The following ANKRD36B variants were observed in gnomAD, a reference collection of about 807,000 sequenced individuals.
The protein encoded by ANKRD36B is ankyrin repeat domain-containing protein 36B.
ANKRD36B carries 37 observed loss-of-function variants against 135.7 expected under a neutral mutation model. The observed-to-expected ratio is 0.27, with a 90% confidence interval of 0.21 to 0.36. The LOEUF is 0.36. Ranked by LOEUF, ANKRD36B falls within the 10% of genes least tolerant of loss-of-function variation. The pLI is 1.00. For synonymous variants in ANKRD36B, 179 were observed against 348.1 expected, an observed-to-expected ratio of 0.51 and a Z score of 5.41; for missense variants, 549 against 1,037.1, an observed-to-expected ratio of 0.53 and a Z score of 6.46.
At chr2:97,582,191 T>A (rs1245553947) in intron 3 of ANKRD36B, among the ~76,000 whole-genome samples, 7 of 152,184 alleles carry the variant, frequency 4.6e-5, no homozygotes, top group Non-Finnish European at 1.5e-5. Flanking sequence ...AACTATACCA[T>A]GATTCACCTT....
At chr2:97,553,786 A>G (rs1038730853) in intron 14 of ANKRD36B, among the ~76,000 whole-genome samples, 14 of 151,916 alleles carry the variant, frequency 9.2e-5, no homozygotes, top group Non-Finnish European at 1.8e-4. Flanking sequence ...TACTGCAAAC[A>G]TTCATCATCT....
At chr2:97,527,429 G>A (rs1333009089) in intron 35 of ANKRD36B, among the ~76,000 whole-genome samples, 4 of 93,882 alleles carry the variant, frequency 4.3e-5, no homozygotes, top group Admixed American at 9.4e-5. Context: ...AGGAACAACC[G>A]GTACCAGCCA....
At chr2:97,581,379 C>T (rs552571687) in intron 3 of ANKRD36B, among the ~76,000 whole-genome samples, 4 of 151,780 alleles carry the variant, frequency 2.6e-5, no homozygotes, top group East Asian at 2.0e-4. Flanking sequence ...GATTCTGACA[C>T]GATTGACAGT....
chr2:97,550,270 C>T (rs1307773444), intron 18 of ANKRD36B, among the ~76,000 whole-genome samples: 1 of 144,442 alleles, frequency 6.9e-6, no homozygotes, highest in Non-Finnish European at 1.6e-5. Context: ...TTCATCCAGT[C>T]GTGGCACCAA....
intron 14 of ANKRD36B, 116 bp downstream of exon 14, chr2:97,554,944 G>C: frequency 7.6e-7 from 1 of 1,314,712 alleles, no homozygotes; most frequent in Non-Finnish European, 1.1e-6. Flanking sequence ...AAGAATCTCT[G>C]GCCTGCTGAA....
chr2:97,539,694 A>G lies in ANKRD36B; in HGVS notation c.1987+340T>C, dbSNP rs2079052770. ...TTAGGAACGCGATGTGATATCTGTAAAATCTATACTTCATCTCTATCTCCT... is the reference window on the plus strand; with the variant it reads ...TTAGGAACGCGATGTGATATCTGTAGAATCTATACTTCATCTCTATCTCCT... On this transcript the variant is annotated intron_variant, in intron 30 of 43. Transcript: ENST00000359901. 2 of 139,876 alleles carry G rather than the reference A, an allele frequency of 1.4e-5. 1 individual carries two copies. The highest frequency in any genetic ancestry group is 6.0e-5 in the African/African-American group (2 of 33,476). 8.7% of individuals were successfully genotyped at this position (139,876 alleles called of 1,614,324 possible). A position where few individuals can be genotyped will look rare whatever the true frequency, so the allele number is the denominator to read the frequency against.
intron 6 of ANKRD36B, among the ~76,000 whole-genome samples, chr2:97,569,884 C>G (rs1448860013): frequency 2.6e-5 from 4 of 151,898 alleles, no homozygotes; most frequent in Non-Finnish European, 5.9e-5. Flanking sequence ...AAGCAAATAA[C>G]TTAACTGTAT....
chr2:97,547,664 A>C, intron 21 of ANKRD36B, 39 bp downstream of exon 21: 4 of 1,555,212 alleles, frequency 2.6e-6, no homozygotes, highest in Non-Finnish European at 3.5e-6. Context: ...CATAGACTAT[A>C]CATTTACTAG....
At chr2:97,574,427 T>C (rs2082094065) in intron 6 of ANKRD36B, among the ~76,000 whole-genome samples, 2 of 152,132 alleles carry the variant, frequency 1.3e-5, no homozygotes, top group Admixed American at 6.5e-5. Flanking sequence ...AGGAACACTT[T>C]TACACTGTTG....
Position 97,551,335 on chromosome 2 carries a change from A to G in ANKRD36B, c.1329T>C (p.Phe443=), listed in dbSNP as rs2080044325. 1.3e-6 allele frequency: 2 copies of G among 1,587,256 alleles called. No homozygotes were observed. Among genetic ancestry groups the G allele is most frequent in the Non-Finnish European group, 8.6e-7 (1 of 1,169,524 alleles). ...CCTTTTTTTCTCTGGTTATATTCGA[A>G]AAAGAATCTTTCTCATCACTTGTGG... ...LKATSDEKDS[F]SNITREKKDG... The change falls in exon 18 of 44, where the codon TTT becomes TTC. Residue 443 remains phenylalanine (F), a synonymous_variant. Transcript: ENST00000359901.
rs558210685 is a variant in ANKRD36B, at chr2:97,586,434, C to T, written c.162-1036G>A. On this transcript the variant is annotated intron_variant, in intron 1 of 43. Transcript: ENST00000359901. ...AAAAAAAAAGGAATAAAAGATCCAA[C>T]TGGGATTCAGTCCTAATGCTTCCAT... Among the ~76,000 whole-genome samples, 3 of 149,974 alleles carry T rather than the reference C, an allele frequency of 2.0e-5. No homozygotes were observed. The South Asian group carries it at 6.3e-4, about 31-fold the overall frequency.
intron 12 of ANKRD36B, 147 bp downstream of exon 12, chr2:97,556,790 C>T: frequency 7.6e-7 from 1 of 1,307,498 alleles, no homozygotes; most frequent in Non-Finnish European, 1.0e-6. Flanking sequence ...GCATCAGCAC[C>T]ACCTGACAAC....
chr2:97,535,487 ACAC>A (rs2078832151), intron 34 of ANKRD36B, among the ~76,000 whole-genome samples: 4 of 6,054 alleles, frequency 6.6e-4, no homozygotes, highest in African/African-American at 7.5e-3. Context: ...AAAAAATAAA[ACAC>A]ACACACACAC....
chr2:97,580,624 A>C (rs2922617), intron 3 of ANKRD36B, 56 bp from the exon 4 acceptor site: 51 of 1,471,650 alleles, frequency 3.5e-5, no homozygotes, highest in East Asian at 1.3e-4. Context: ...ATCAACTGAA[A>C]TGAAAACCTT....
At chr2:97,573,982 G>T (rs2082060018) in intron 6 of ANKRD36B, among the ~76,000 whole-genome samples, 1 of 152,122 alleles carries the variant, frequency 6.6e-6, no homozygotes, top group Non-Finnish European at 1.5e-5. Context: ...GCATGGGCAA[G>T]GACTTCATGT....
chr2:97,547,818 G>C (rs192832175), intron 20 of ANKRD36B, 87 bp from the exon 21 acceptor site: 35 of 1,506,666 alleles, frequency 2.3e-5, no homozygotes, highest in Admixed American at 8.0e-5. Context: ...ATCAACCTCT[G>C]TCTTCCTGCC....
chr2:97,543,391 A>G (rs1238679612), intron 26 of ANKRD36B, among the ~76,000 whole-genome samples: 1 of 118,220 alleles, frequency 8.5e-6, no homozygotes, highest in Non-Finnish European at 2.1e-5. Flanking sequence ...TACAGTGTCT[A>G]CAGGTTATTA....
chr2:97,560,599 T>C, intron 8 of ANKRD36B, 66 bp downstream of exon 8: 1 of 1,584,406 alleles, frequency 6.3e-7, no homozygotes, highest in Non-Finnish European at 8.6e-7. Flanking sequence ...CACTGATTTA[T>C]TTGGGGAAGG....
chr2:97,540,021 T>C lies in ANKRD36B; in HGVS notation c.1987+13A>G. ...GGACTGAACATGACATTAAATGTGT[T>C]TTGTAAAATTACCTGTCCCAGATTT... On this transcript the variant is annotated intron_variant, in intron 30 of 43. Coordinates refer to ENST00000359901, the MANE Select transcript of ANKRD36B (RefSeq NM_001393939.1). 1.1e-6 allele frequency: 1 copy of C among 912,014 alleles called. No individual in the cohort carries two copies. Among genetic ancestry groups the C allele is most frequent in the South Asian group, 1.3e-5 (1 of 78,756 alleles). 56.5% of individuals were successfully genotyped at this position (912,014 alleles called of 1,614,324 possible). A position where few individuals can be genotyped will look rare whatever the true frequency, so the allele number is the denominator to read the frequency against.
Sources: gnomAD v4.1 joint callset for allele counts (sites outside exome capture counted in the v4.1 genomes callset) on GRCh38, gnomAD v4.1.1 for gene constraint, MANE v1.5 for transcripts, NCBI Gene and HGNC (gene_info 2026-07-23, HGNC 2026-07-21) for gene names.